The following NOS1AP variants were observed in gnomAD, a reference collection of about 807,000 sequenced individuals.
NOS1AP encodes nitric oxide synthase 1 adaptor protein.
In NOS1AP, 21 loss-of-function variants were observed where a neutral mutation model predicts 56.2. The observed-to-expected ratio is 0.37, with a 90% CI of 0.26 to 0.54. NOS1AP has a LOEUF of 0.54. NOS1AP is among the 20% of genes least tolerant of loss of function. The pLI is 0.84. For missense variants in NOS1AP, 522 were observed against 657.8 expected, an observed-to-expected ratio of 0.79 and a Z score of 2.26; for synonymous variants, 270 against 274.6, an observed-to-expected ratio of 0.98 and a Z score of 0.17.
At chr1:162,310,985 T>G (rs1232176886) in intron 4 of NOS1AP, among the ~76,000 whole-genome samples, 2 of 152,078 alleles carry the variant, frequency 1.3e-5, no homozygotes, top group African/African-American at 4.8e-5. Context: ...GATACCCTCT[T>G]TCTCCCTACA....
chr1:162,137,810 C>T (rs6660668), intron 1 of NOS1AP, among the ~76,000 whole-genome samples: 2,987 of 152,172 alleles, frequency 0.02, 104 homozygotes, highest in African/African-American at 0.068. Context: ...ACGGGCATTT[C>T]TCTTGTGGCT....
intron 2 of NOS1AP, among the ~76,000 whole-genome samples, chr1:162,193,631 C>T (rs990089720): frequency 1.1e-4 from 17 of 151,866 alleles, no homozygotes; most frequent in Non-Finnish European, 1.8e-4. Flanking sequence ...TCTAACTTCT[C>T]TTGGTTTCCA....
At chr1:162,273,186 C>T (rs574606980) in intron 2 of NOS1AP, among the ~76,000 whole-genome samples, 236 of 111,262 alleles carry the variant, frequency 2.1e-3, no homozygotes, top group African/African-American at 7.0e-3. Context: ...TTTTTTGAGA[C>T]GGAGTCTGGC....
intron 5 of NOS1AP, among the ~76,000 whole-genome samples, chr1:162,339,551 C>T (rs1007487815): frequency 6.6e-5 from 10 of 152,100 alleles, no homozygotes; most frequent in African/African-American, 2.2e-4. Flanking sequence ...GCCTGTATGT[C>T]GTCATGAGGT....
chr1:162,246,097 C>T (rs1653653493), intron 2 of NOS1AP, among the ~76,000 whole-genome samples: 1 of 152,140 alleles, frequency 6.6e-6, no homozygotes, highest in Non-Finnish European at 1.5e-5. Context: ...GAAAAGAAAA[C>T]GTTTCAAGGG....
intron 1 of NOS1AP, among the ~76,000 whole-genome samples, chr1:162,081,795 G>GTTTTTTTTTT (rs1691902332): frequency 2.2e-5 from 1 of 45,204 alleles, no homozygotes; most frequent in African/African-American, 7.5e-5. Flanking sequence ...GTAGAGATGG[G>GTTTTTTTTTT]TTTTCACCAT....
rs776111447 is a variant in NOS1AP at position 162,343,983 on chromosome 1, AC to A, written c.595+8del. ...AACAGCTCAGGAGACCCAGGTAGGC[AC>A]TGCGGCTTCTGTGGATGTGGGTGGG... On this transcript the variant is annotated splice_region_variant and intron_variant, in intron 6 of 9. Coordinates refer to ENST00000361897, the MANE Select transcript of NOS1AP (RefSeq NM_014697.3). 6.2e-7 allele frequency: 1 copy of A among 1,614,056 alleles called. No individual in the cohort carries two copies. Among genetic ancestry groups the A allele is most frequent in the South Asian group, 1.1e-5 (1 of 91,072 alleles).
At chr1:162,110,793 C>T (rs1647679656) in intron 1 of NOS1AP, among the ~76,000 whole-genome samples, 1 of 152,128 alleles carries the variant, frequency 6.6e-6, no homozygotes, top group Non-Finnish European at 1.5e-5. Flanking sequence ...CTATGATGTA[C>T]ATATTAAAGT....
intron 7 of NOS1AP, 126 bp from the exon 8 acceptor site, chr1:162,356,834 T>C (rs1657719207): frequency 1.9e-6 from 3 of 1,594,002 alleles, no homozygotes; most frequent in Admixed American, 3.3e-5. Flanking sequence ...ATTGAAGATA[T>C]AGTGCTGTCA....
chr1:162,328,362 TTAAAA>T (rs1656661187), intron 4 of NOS1AP, among the ~76,000 whole-genome samples: 1 of 152,296 alleles, frequency 6.6e-6, no homozygotes, highest in African/African-American at 2.4e-5. Context: ...ACCCCGGAAC[TTAAAA>T]TAAACTTAAG....
At chr1:162,131,451 A>G (rs1558114049) in intron 1 of NOS1AP, among the ~76,000 whole-genome samples, 1 of 151,518 alleles carries the variant, frequency 6.6e-6, no homozygotes, top group Admixed American at 6.6e-5. Flanking sequence ...AAGCCACAAT[A>G]GGACAGAAAG....
chr1:162,305,533 C>G (rs1244386994), intron 4 of NOS1AP, among the ~76,000 whole-genome samples: 1 of 152,040 alleles, frequency 6.6e-6, no homozygotes, highest in South Asian at 2.1e-4. Context: ...ATCTCTGGAG[C>G]CACAAATATA....
At chr1:162,231,345 T>C (rs1187925070) in intron 2 of NOS1AP, among the ~76,000 whole-genome samples, 1 of 152,200 alleles carries the variant, frequency 6.6e-6, no homozygotes, top group Non-Finnish European at 1.5e-5. Context: ...TTGGCTTTTG[T>C]GTTGTTGAGC....
At chr1:162,307,335 C>T (rs1655867379) in intron 4 of NOS1AP, among the ~76,000 whole-genome samples, 1 of 152,162 alleles carries the variant, frequency 6.6e-6, no homozygotes, top group Non-Finnish European at 1.5e-5. Context: ...AACAAAACTC[C>T]TTTTTAAAAC....
At chr1:162,275,135 A>G (rs114815114) in intron 2 of NOS1AP, among the ~76,000 whole-genome samples, 34 of 152,252 alleles carry the variant, frequency 2.2e-4, no homozygotes, top group African/African-American at 7.0e-4. Context: ...TAGAAGTTCT[A>G]TATAAACCCA....
intron 1 of NOS1AP, among the ~76,000 whole-genome samples, chr1:162,120,167 A>G (rs1235109625): frequency 6.6e-6 from 1 of 152,098 alleles, no homozygotes; most frequent in Non-Finnish European, 1.5e-5. Flanking sequence ...ATCAAAATAT[A>G]CCCTTTAGCT....
At chr1:162,233,521 T>C (rs1001018238) in intron 2 of NOS1AP, among the ~76,000 whole-genome samples, 1 of 152,100 alleles carries the variant, frequency 6.6e-6, no homozygotes, top group African/African-American at 2.4e-5. Flanking sequence ...TTTTTTTTGG[T>C]AGATCCAGTT....
intron 2 of NOS1AP, among the ~76,000 whole-genome samples, chr1:162,180,747 C>G (rs1263845628): frequency 1.3e-5 from 2 of 152,104 alleles, no homozygotes; most frequent in Non-Finnish European, 2.9e-5. Flanking sequence ...TGGGAGATGA[C>G]CCATGAGCTT....
chr1:162,202,607 T>G (rs1652032942), intron 2 of NOS1AP, among the ~76,000 whole-genome samples: 2 of 152,178 alleles, frequency 1.3e-5, no homozygotes, highest in Admixed American at 1.3e-4. Context: ...GTTTTTATGG[T>G]AAATATTATG....
Sources: allele counts gnomAD v4.1 joint callset (sites outside exome capture counted in the v4.1 genomes callset), GRCh38; gene constraint gnomAD v4.1.1; transcripts MANE v1.5; gene names NCBI Gene and HGNC (gene_info 2026-07-23, HGNC 2026-07-21).